The following CACNA1D variants were observed in gnomAD, a reference collection of about 807,000 sequenced individuals.
CACNA1D encodes calcium voltage-gated channel subunit alpha1 D.
Under a neutral mutation model 257.1 loss-of-function variants are expected in CACNA1D, and 55 were observed. The ratio of observed to expected loss-of-function variants is 0.21; its 90% CI spans 0.17 to 0.27. CACNA1D has a LOEUF of 0.27. CACNA1D is among the 10% of genes least tolerant of loss of function. The pLI is 1.00. For synonymous variants in CACNA1D, 980 were observed against 1,014.9 expected, an observed-to-expected ratio of 0.97 and a Z score of 0.65; for missense variants, 1,876 against 2,784.0, an observed-to-expected ratio of 0.67 and a Z score of 7.34.
chr3:53,574,434 T>C (rs1364230772), intron 3 of CACNA1D, among the ~76,000 whole-genome samples: 1 of 152,164 alleles, frequency 6.6e-6, no homozygotes, highest in Non-Finnish European at 1.5e-5. Context: ...CAGGGAAGTG[T>C]TTATTTTTAA....
chr3:53,731,439 T>A (rs1461447979), intron 17 of CACNA1D, among the ~76,000 whole-genome samples: 1 of 152,232 alleles, frequency 6.6e-6, no homozygotes, highest in Non-Finnish European at 1.5e-5. Context: ...TGACCCGTGG[T>A]CAGGATCACG....
chr3:53,776,219 G>A (rs560018615), intron 35 of CACNA1D, among the ~76,000 whole-genome samples, 174 bp downstream of exon 35: 16 of 152,288 alleles, frequency 1.1e-4, no homozygotes, highest in African/African-American at 3.1e-4. Flanking sequence ...TGTCACTGCC[G>A]CCACCTTTGT....
chr3:53,735,952 G>C (rs183303451), intron 20 of CACNA1D, among the ~76,000 whole-genome samples: 1 of 152,196 alleles, frequency 6.6e-6, no homozygotes, highest in Non-Finnish European at 1.5e-5. Context: ...TGCCTATGTC[G>C]TGTAGACTTA....
rs770817879 is a variant in CACNA1D, at chr3:53,744,759, G to C, written c.2938G>C (p.Val980Leu). 6.2e-7 allele frequency: 1 copy of C among 1,606,086 alleles called. No homozygotes were observed. The highest frequency in any genetic ancestry group is 2.2e-5 in the East Asian group (1 of 44,838). Residue 980 changes from valine to leucine, a missense_variant, in exon 23 of 48, where the codon GTG becomes CTG. Physicochemically the swap from Val to Leu is conservative, Grantham distance 32. Around this residue, in one of 10 missense-constraint regions of CACNA1D, gnomAD observed 271 missense variants for 425.5 expected, o/e 0.64. Coordinates refer to ENST00000350061, the MANE Select transcript of CACNA1D (RefSeq NM_001128840.3). ...CCCTAGATCCAGTGCCATCTCCGTTGTGAAGATTCTGAGGGTCTTAAGGGT... is the reference window on the plus strand; with the variant it reads ...CCCTAGATCCAGTGCCATCTCCGTTCTGAAGATTCTGAGGGTCTTAAGGGT... ...FGIQSSAISV[V>L]KILRVLRVLR...
chr3:53,740,562 T>G (rs1476911183), intron 21 of CACNA1D: 1 of 503,812 alleles, frequency 2.0e-6, no homozygotes, highest in Non-Finnish European at 3.5e-6. Flanking sequence ...TTTGATTTTT[T>G]ATGGGTTTTT....
intron 3 of CACNA1D, among the ~76,000 whole-genome samples, chr3:53,589,446 G>T (rs145909060): frequency 1.3e-5 from 2 of 152,258 alleles, no homozygotes; most frequent in South Asian, 4.2e-4. Context: ...GGGCATGGGG[G>T]TGCTGTGAGG....
At chr3:53,546,803 C>G (rs1048214063) in intron 3 of CACNA1D, among the ~76,000 whole-genome samples, 4 of 152,160 alleles carry the variant, frequency 2.6e-5, no homozygotes. Context: ...GCAAGAGACT[C>G]GACTCTCCTG....
chr3:53,766,465 C>T (rs914895695), intron 30 of CACNA1D, among the ~76,000 whole-genome samples: 2 of 152,246 alleles, frequency 1.3e-5, no homozygotes, highest in Middle Eastern at 3.2e-3. Context: ...TGCTGGTTTG[C>T]TTCCTATCTG....
chr3:53,718,799 C>A, intron 10 of CACNA1D: 3 of 1,408,604 alleles, frequency 2.1e-6, no homozygotes, highest in Non-Finnish European at 2.9e-6. Context: ...TGAAGAAGAG[C>A]TTCTGTGGCA....
chr3:53,691,952 T>C (rs1270831049), intron 8 of CACNA1D, among the ~76,000 whole-genome samples: 2 of 65,346 alleles, frequency 3.1e-5, no homozygotes, highest in East Asian at 8.1e-4. Context: ...TTTTAAGGCT[T>C]ATACAAGACT....
intron 3 of CACNA1D, among the ~76,000 whole-genome samples, chr3:53,648,508 A>G (rs911148416): frequency 5.3e-5 from 8 of 152,106 alleles, no homozygotes; most frequent in South Asian, 2.1e-4. Context: ...AGAATACCGC[A>G]GTGGCCTGAG....
intron 29 of CACNA1D, among the ~76,000 whole-genome samples, chr3:53,756,735 A>G (rs2095267602): frequency 6.6e-6 from 1 of 152,216 alleles, no homozygotes; most frequent in African/African-American, 2.4e-5. Context: ...AGGAAGATTG[A>G]TTAAGAAGGG....
At chr3:53,782,219 C>CTA (rs1235281224) in intron 39 of CACNA1D, among the ~76,000 whole-genome samples, 45 of 117,038 alleles carry the variant, frequency 3.8e-4, no homozygotes, top group African/African-American at 1.4e-3. Flanking sequence ...TAAAAAACAT[C>CTA]TATATATATA....
chr3:53,598,523 C>T lies in CACNA1D; in HGVS notation c.484-52256C>T, dbSNP rs367656562. The stretch of plus-strand genomic sequence containing the variant: ...TCGCTTGAACCCAGGAGGCAGAGGT[C>T]GTAGTGAACTGAGATTGCACCACTG... On this transcript the variant is annotated intron_variant, in intron 3 of 47. Coordinates refer to ENST00000350061, the MANE Select transcript of CACNA1D (RefSeq NM_001128840.3). Among the ~76,000 whole-genome samples the T allele has an allele frequency of 1.6e-3, 234 of 149,898 alleles. 1 individual carries two copies. The highest frequency in any genetic ancestry group is 0.014 in the Middle Eastern group (4 of 286).
intron 3 of CACNA1D, among the ~76,000 whole-genome samples, chr3:53,605,375 G>A (rs1323878476): frequency 6.6e-6 from 1 of 152,198 alleles, no homozygotes; most frequent in Non-Finnish European, 1.5e-5. Flanking sequence ...TGAGTGGAAG[G>A]CTCCTAGGTT....
intron 27 of CACNA1D, among the ~76,000 whole-genome samples, chr3:53,750,347 G>A (rs2095214399): frequency 6.6e-6 from 1 of 152,196 alleles, no homozygotes; most frequent in Admixed American, 6.5e-5. Flanking sequence ...AGCCCTGAAA[G>A]AGTCTACAAG....
At chr3:53,730,410 A>T in intron 15 of CACNA1D, 32 bp from the exon 16 acceptor site, 1 of 1,389,830 alleles carries the variant, frequency 7.2e-7, no homozygotes, top group Non-Finnish European at 1.0e-6. Context: ...TGCATTTAGT[A>T]GTGTGTTGTG....
chr3:53,743,215 T>TTATATTTAGTTATATAGG (rs1292260732), intron 22 of CACNA1D, 98 bp downstream of exon 22: 86 of 761,488 alleles, frequency 1.1e-4, no homozygotes, highest in Admixed American at 4.2e-4. Context: ...ATTTTCATGA[T>TTATATTTAGTTATATAGG]TATATTTAGT....
intron 3 of CACNA1D, among the ~76,000 whole-genome samples, chr3:53,545,180 G>A (rs967755379): frequency 6.6e-6 from 1 of 152,008 alleles, no homozygotes; most frequent in East Asian, 1.9e-4. Flanking sequence ...TTCAAATTCT[G>A]CCCATGACTA....
Sources: gnomAD v4.1 joint callset for allele counts (sites outside exome capture counted in the v4.1 genomes callset) on GRCh38, gnomAD v4.1.1 for gene constraint, gnomAD v4.1.1 regional missense constraint, MANE v1.5 for transcripts, NCBI Gene and HGNC (gene_info 2026-07-23, HGNC 2026-07-21) for gene names.